Variants in PCDH9 observed in about 807,000 individuals in gnomAD.
The protein encoded by PCDH9 is protocadherin 9.
In PCDH9, 24 loss-of-function variants were observed where a neutral mutation model predicts 70.6. That is an observed-to-expected ratio of 0.34 (90% CI 0.25 to 0.48). The LOEUF is 0.48. Among genes scored for constraint, PCDH9 ranks in the 20% least tolerant of loss-of-function variants. The probability of loss-of-function intolerance (pLI) is 0.99; values close to 1 mark genes in which losing one functional copy is unlikely to be tolerated. For missense variants in PCDH9, 1,281 were observed against 1,503.6 expected, an observed-to-expected ratio of 0.85 and a Z score of 2.45; for synonymous variants, 562 against 558.5, an observed-to-expected ratio of 1.01 and a Z score of -0.09.
At chr13:67,043,188 C>T (rs1280952371) in intron 2 of PCDH9, among the ~76,000 whole-genome samples, 1 of 152,132 alleles carries the variant, frequency 6.6e-6, no homozygotes, top group Non-Finnish European at 1.5e-5. Flanking sequence ...TAATCAGGAA[C>T]ATCACATGCC....
intron 4 of PCDH9, among the ~76,000 whole-genome samples, chr13:66,371,855 G>A (rs2138218521): frequency 6.6e-6 from 1 of 152,106 alleles, no homozygotes; most frequent in African/African-American, 2.4e-5. Context: ...TTTTTGGTTT[G>A]TTTGTTTCCC....
At chr13:66,974,216 T>C (rs917681613) in intron 2 of PCDH9, among the ~76,000 whole-genome samples, 1 of 151,994 alleles carries the variant, frequency 6.6e-6, no homozygotes, top group African/African-American at 2.4e-5. Flanking sequence ...ATATATTCCA[T>C]ACACTACAAT....
At chr13:66,314,027 T>C (rs750109510) in intron 4 of PCDH9, among the ~76,000 whole-genome samples, 5 of 152,230 alleles carry the variant, frequency 3.3e-5, no homozygotes, top group Non-Finnish European at 5.9e-5. Flanking sequence ...TTTAAATTAA[T>C]ATATCACAGC....
At chr13:66,559,484 C>T (rs974490015) in intron 4 of PCDH9, among the ~76,000 whole-genome samples, 4 of 152,036 alleles carry the variant, frequency 2.6e-5, no homozygotes, top group African/African-American at 9.7e-5. Context: ...TAAGTAACTA[C>T]CTGATAACAA....
intron 3 of PCDH9, among the ~76,000 whole-genome samples, chr13:66,656,647 G>A (rs963399332): frequency 6.6e-6 from 1 of 151,736 alleles, no homozygotes; most frequent in Non-Finnish European, 1.5e-5. Flanking sequence ...GGGTGGGGGG[G>A]CGGTTAAAAT....
At chr13:67,180,111 T>A (rs568816808) in intron 2 of PCDH9, among the ~76,000 whole-genome samples, 2 of 152,298 alleles carry the variant, frequency 1.3e-5, no homozygotes, top group Middle Eastern at 6.8e-3. Flanking sequence ...GGAAGGTAGA[T>A]GAAAGAGCTA....
intron 3 of PCDH9, among the ~76,000 whole-genome samples, chr13:66,669,485 A>G (rs2078143051): frequency 6.6e-6 from 1 of 152,192 alleles, no homozygotes; most frequent in Admixed American, 6.6e-5. Context: ...CTACAAAACA[A>G]TAAATAATGA....
intron 2 of PCDH9, among the ~76,000 whole-genome samples, chr13:66,975,780 G>C (rs111414875): frequency 6.6e-6 from 1 of 151,872 alleles, no homozygotes; most frequent in Non-Finnish European, 1.5e-5. Flanking sequence ...GAAGATCTCC[G>C]TATAGTAGAG....
intron 4 of PCDH9, among the ~76,000 whole-genome samples, chr13:66,533,391 T>A (rs1470923946): frequency 6.6e-6 from 1 of 151,116 alleles, no homozygotes; most frequent in Non-Finnish European, 1.5e-5. Flanking sequence ...GATTTTTTTT[T>A]AGTTAAATAT....
chr13:66,582,913 C>T (rs1213211750), intron 4 of PCDH9, among the ~76,000 whole-genome samples: 2 of 152,048 alleles, frequency 1.3e-5, no homozygotes, highest in Non-Finnish European at 2.9e-5. Context: ...CATTTGAAAT[C>T]GTGAATATAA....
intron 3 of PCDH9, among the ~76,000 whole-genome samples, chr13:66,727,079 C>A (rs974431992): frequency 5.9e-5 from 9 of 152,172 alleles, no homozygotes; most frequent in African/African-American, 2.2e-4. Flanking sequence ...ACAACCTGGA[C>A]AACATAGCTA....
At chr13:67,096,958 G>A (rs1422230567) in intron 2 of PCDH9, among the ~76,000 whole-genome samples, 1 of 151,910 alleles carries the variant, frequency 6.6e-6, no homozygotes, top group Non-Finnish European at 1.5e-5. Context: ...AATATTTTAA[G>A]AATTTTAAGG....
At chr13:67,091,531 T>C (rs190990061) in intron 2 of PCDH9, among the ~76,000 whole-genome samples, 1 of 152,152 alleles carries the variant, frequency 6.6e-6, no homozygotes, top group Non-Finnish European at 1.5e-5. Flanking sequence ...TGCCCAACAA[T>C]CTGAGATGGC....
At chr13:66,883,828 A>G (rs1192776393) in intron 3 of PCDH9, among the ~76,000 whole-genome samples, 1 of 151,624 alleles carries the variant, frequency 6.6e-6, no homozygotes, top group Non-Finnish European at 1.5e-5. Context: ...CCTGTACACA[A>G]CTGCATGCTT....
At chr13:66,810,316 G>A (rs1488618519) in intron 3 of PCDH9, among the ~76,000 whole-genome samples, 5 of 151,490 alleles carry the variant, frequency 3.3e-5, no homozygotes, top group African/African-American at 1.2e-4. Flanking sequence ...TTTAATAATT[G>A]GCTAATCAAA....
intron 2 of PCDH9, among the ~76,000 whole-genome samples, chr13:67,066,251 T>A (rs1213547421): frequency 6.6e-6 from 1 of 151,992 alleles, no homozygotes; most frequent in Non-Finnish European, 1.5e-5. Context: ...TTTTTTTTTT[T>A]AGACAGAGTT....
intron 4 of PCDH9, among the ~76,000 whole-genome samples, chr13:66,458,044 C>G (rs1230461550): frequency 4.6e-5 from 7 of 152,034 alleles, no homozygotes; most frequent in African/African-American, 1.7e-4. Flanking sequence ...TTAATTCTCT[C>G]TGTACAGTAC....
At chr13:66,987,036 T>A (rs2083906152) in intron 2 of PCDH9, among the ~76,000 whole-genome samples, 1 of 151,988 alleles carries the variant, frequency 6.6e-6, no homozygotes, top group African/African-American at 2.4e-5. Flanking sequence ...TTGAGACTAC[T>A]TGCAAAAATG....
intron 2 of PCDH9, among the ~76,000 whole-genome samples, chr13:67,176,220 T>C (rs1300936244): frequency 6.6e-6 from 1 of 152,068 alleles, no homozygotes; most frequent in African/African-American, 2.4e-5. Flanking sequence ...ATAGATGAAC[T>C]CAAAAAGAGC....
Sources: gnomAD v4.1 joint callset for allele counts (sites outside exome capture counted in the v4.1 genomes callset) on GRCh38, gnomAD v4.1.1 for gene constraint, MANE v1.5 for transcripts, NCBI Gene and HGNC (gene_info 2026-07-23, HGNC 2026-07-21) for gene names.